LTK: variants seen among roughly 807,000 people sequenced by gnomAD.
LTK encodes leukocyte tyrosine kinase receptor.
LTK carries 117 observed loss-of-function variants against 101.5 expected under a neutral mutation model. That is an observed-to-expected ratio of 1.15 (90% CI 0.99 to 1.34). The LOEUF is 1.34. Ranked by LOEUF, LTK falls within the 40% of genes most tolerant of loss-of-function variation. The probability of loss-of-function intolerance (pLI) is 0.00; values close to 1 mark genes in which losing one functional copy is unlikely to be tolerated. For missense variants in LTK, 1,252 were observed against 1,164.7 expected, an observed-to-expected ratio of 1.07 and a Z score of -1.09; for synonymous variants, 563 against 494.2, an observed-to-expected ratio of 1.14 and a Z score of -1.85.
At position 41,504,019 on chromosome 15, in the gene LTK, A is replaced by G. The variant is rs1255907068; in HGVS notation, c.2572T>C (p.Trp858Arg). The change falls in exon 20 of 20, where the codon TGG becomes CGG. Residue 858 changes from tryptophan (W) to arginine (R), a missense_variant. Transcript: ENST00000263800. Reference sequence around the variant, plus strand: ...GCTCAGGAGCGATAAGTGGGATTCCAAAGGTTCTGAGGTTGGAGGCCCCTG... The same window carrying G: ...GCTCAGGAGCGATAAGTGGGATTCCGAAGGTTCTGAGGTTGGAGGCCCCTG... ...KSRGLQPQNL[W>R]NPTYRS 6.2e-7 allele frequency: 1 copy of G among 1,607,622 alleles called. No individual in the cohort carries two copies. The highest frequency in any genetic ancestry group is 1.1e-5 in the South Asian group (1 of 90,574).
intron 1 of LTK, 95 bp from the exon 2 acceptor site, chr15:41,513,215 G>T: frequency 1.4e-6 from 2 of 1,425,648 alleles, no homozygotes; most frequent in Non-Finnish European, 1.9e-6. Context: ...CCTTGCGGTC[G>T]CGGCCACACC....
At chr15:41,505,831 G>A in intron 12 of LTK, 54 bp from the exon 13 acceptor site, 4 of 1,604,426 alleles carry the variant, frequency 2.5e-6, no homozygotes, top group Non-Finnish European at 3.4e-6. Flanking sequence ...TCAGGAGAGG[G>A]GGTTAACCCT....
rs747305553 is a variant in LTK at position 41,508,184 on chromosome 15, G to T, written c.1134C>A (p.His378Gln). 1.2e-5 allele frequency: 19 copies of T among 1,613,362 alleles called. No individual in the cohort carries two copies. Among genetic ancestry groups the T allele is most frequent in the East Asian group, 2.2e-5 (1 of 44,856 alleles). ...TCAAAGGGCAGTGACTGCAGTTGAG[G>T]TGCCTTCGGATCTCTACCTCTCCGT... ...ENHGEVEIRR[H>Q]LNCSHCPLRD... Residue 378 changes from histidine to glutamine, a missense_variant, in exon 9 of 20, where the codon CAC (histidine) becomes CAA (glutamine). Physicochemically the swap from His to Gln is conservative, Grantham distance 24. Transcript: ENST00000263800.
Position 41,507,124 on chromosome 15 carries a change from C to A in LTK, c.1512G>T (p.Glu504Asp). Reference protein sequence around the residue: ...QSWPLPPGVTEVSPANVTLLR... With the variant: ...QSWPLPPGVTDVSPANVTLLR... ...GCAGAGTAACATTGGCTGGGGAAAC[C>A]TCGGTGACACCTGGTGGCAGAGGCC... is the stretch of plus-strand genomic sequence containing the variant. The change falls in exon 11 of 20, where the codon GAG becomes GAT. Residue 504 changes from glutamate (E) to aspartate (D), a missense_variant. Glu to Asp is a conservative substitution (Grantham distance 45). Transcript: ENST00000263800. 6.2e-7 allele frequency: 1 copy of A among 1,613,526 alleles called. No homozygotes were observed.
chr15:41,512,832 C>T lies in LTK; in HGVS notation c.234G>A (p.Arg78=), dbSNP rs1413184370. The T allele has an allele frequency of 6.2e-7, 1 of 1,612,304 alleles. No individual in the cohort carries two copies. The highest frequency in any genetic ancestry group is 1.3e-5 in the African/African-American group (1 of 74,942). The change falls in exon 3 of 20, where the codon CGG becomes CGA. Residue 78 remains arginine, a synonymous_variant. Coordinates refer to ENST00000263800, the MANE Select transcript of LTK (RefSeq NM_002344.6). ...CACATTGTGTCTGTGTGGGCCCATG[C>T]CGGCCGCTGGCCCCGCAGGTAGAAA... ...WLFSTCGASG[R]HGPTQTQCDG... is the part of the protein sequence containing the mutation.
rs1251134544 is a variant in LTK, at chr15:41,513,125, A to T, written c.44-5T>A. On this transcript the variant is annotated splice_region_variant and splice_polypyrimidine_tract_variant and intron_variant, in intron 1 of 19. Coordinates refer to ENST00000263800, the MANE Select transcript of LTK (RefSeq NM_002344.6). ...GGCTAGAGCAGAGAATGGCGCCTGA[A>T]AGGTGTTGGGAGAAGGCGCAGGACG... 6.3e-7 allele frequency: 1 copy of T among 1,594,850 alleles called. No homozygotes were observed.
At chr15:41,510,955 A>G (rs2051436915) in intron 7 of LTK, among the ~76,000 whole-genome samples, 1 of 152,186 alleles carries the variant, frequency 6.6e-6, no homozygotes, top group Admixed American at 6.5e-5. Context: ...TCCTGGATTA[A>G]ACGGAAATCT....
Position 41,503,823 on chromosome 15 carries a change from G to A in LTK, c.*173C>T. On this transcript the variant is annotated 3_prime_UTR_variant, in exon 20 of 20. Transcript: ENST00000263800. Reference sequence around the variant, plus strand: ...GGCCCTTCCCTGGGAGGCCTGGGCTGGTTTCCAGCATGGCAAGTGCAGCGC... The same window carrying A: ...GGCCCTTCCCTGGGAGGCCTGGGCTAGTTTCCAGCATGGCAAGTGCAGCGC... The A allele has an allele frequency of 1.3e-6, 1 of 788,384 alleles. No homozygotes were observed. The highest frequency in any genetic ancestry group is 2.0e-6 in the Non-Finnish European group (1 of 507,176). 48.8% of individuals were successfully genotyped at this position (788,384 alleles called of 1,614,324 possible).
rs750678804 is a variant in LTK, at chr15:41,505,380, G to GA, written c.1827+20_1827+21insT. ...ACAGGGTCTTTAGAGGGGCCTGGGG[G>GA]GGCTAAGACAAGGGTCTCACCAGGT... is the stretch of plus-strand genomic sequence containing the variant. On this transcript the variant is annotated intron_variant, in intron 14 of 19. Transcript: ENST00000263800. 2.5e-6 allele frequency: 4 copies of GA among 1,613,516 alleles called. No individual in the cohort carries two copies. The Admixed American group carries it at 5.0e-5, about 20-fold the overall frequency.
Position 41,508,120 on chromosome 15 carries a change from A to T in LTK, c.1198T>A (p.Cys400Ser), listed in dbSNP as rs773471387. 14 of 1,613,390 alleles carry T rather than the reference A, an allele frequency of 8.7e-6. No individual in the cohort carries two copies. The African/African-American group carries it at 1.1e-4, about 12-fold the overall frequency. ...QWQAELQLAE[C>S]LCPEGMELAV... ...AGCTCCATGCCTTCTGGGCACAGGC[A>T]TTCAGCCAGCTGGAGCTCTGCCTGC... Residue 400 changes from cysteine (C) to serine (S), a missense_variant, in exon 9 of 20, where the codon TGC becomes AGC. Cys to Ser is a moderately radical substitution (Grantham distance 112). Transcript: ENST00000263800.
chr15:41,508,318 T>C (rs890561673), intron 8 of LTK, 97 bp from the exon 9 acceptor site: 29 of 1,087,048 alleles, frequency 2.7e-5, no homozygotes, highest in Non-Finnish European at 3.6e-5. Context: ...CCTATAATCA[T>C]TGCACTTTGG....
Position 41,512,771 on chromosome 15 carries a change from C to G in LTK, c.295G>C (p.Val99Leu). The change falls in exon 3 of 20, where the codon GTG (valine) becomes CTG (leucine). Residue 99 changes from valine to leucine, a missense_variant. Transcript: ENST00000263800. ...CCTCTCAGCTGCCCGGCGGCCCCCA[C>G]GGTCACCACCACGCTGGTCCCCGCG... Reference protein sequence around the residue: ...AYAGTSVVVTVGAAGQLRGVQ... With the variant: ...AYAGTSVVVTLGAAGQLRGVQ... 6.2e-7 allele frequency: 1 copy of G among 1,610,870 alleles called. No homozygotes were observed. Among genetic ancestry groups the G allele is most frequent in the Non-Finnish European group, 8.5e-7 (1 of 1,179,188 alleles).
In LTK at chr15:41,513,008, G is replaced by C. The variant is rs775190514; in HGVS notation, c.156C>G (p.Ile52Met). 1 of 1,613,416 alleles carries C rather than the reference G, an allele frequency of 6.2e-7. No homozygotes were observed. The highest frequency in any genetic ancestry group is 1.7e-5 in the Admixed American group (1 of 59,836). Residue 52 changes from isoleucine to methionine, a missense_variant, in exon 2 of 20, where the codon ATC becomes ATG. Ile to Met is a conservative substitution (Grantham distance 10, BLOSUM62 1). Coordinates refer to ENST00000263800, the MANE Select transcript of LTK (RefSeq NM_002344.6). ...AATTCAGCGGGGAGGCTGGCTCCAA[G>C]ATACTAGGCGGGGCGCTGACTTTCG... ...RDPKVSAPPS[I>M]LEPASPLNSP...
intron 19 of LTK, 46 bp downstream of exon 19, chr15:41,504,296 C>G: frequency 3.1e-6 from 5 of 1,611,916 alleles, no homozygotes; most frequent in Non-Finnish European, 4.2e-6. Context: ...CTGGCCCTCC[C>G]TCCTGACCCA....
Position 41,507,607 on chromosome 15 carries a change from T to C in LTK, c.1300A>G (p.Thr434Ala), listed in dbSNP as rs754825225. The C allele has an allele frequency of 1.9e-6, 3 of 1,613,906 alleles. No homozygotes were observed. The highest frequency in any genetic ancestry group is 2.2e-5 in the South Asian group (2 of 91,012). ...ACCATAAGGAGGCTCAGTGTTGAGG[T>C]TGCCACCACAGCCACCATCAGAACC... The part of the protein sequence containing the change: ...PLVLMVAVVA[T>A]STLSLLMVCG... Residue 434 changes from threonine to alanine, a missense_variant, in exon 10 of 20, where the codon ACC becomes GCC. Transcript: ENST00000263800.
In LTK at chr15:41,511,519, G is replaced by T; in HGVS notation, c.717C>A (p.Tyr239Ter). Reference sequence around the variant, plus strand: ...TCCGGCCTCGGTCCCGCGGCCTCAGGTAGGCCCGACCGCCGCCTCCGGCCG... The same window carrying T: ...TCCGGCCTCGGTCCCGCGGCCTCAGTTAGGCCCGACCGCCGCCTCCGGCCG... ...LVAAGGGGRA[Y>*]LRPRDRGRTQ... is the part of the protein sequence containing the mutation. The change falls in exon 6 of 20, where the codon TAC becomes TAA. Residue 239 changes from tyrosine to a stop codon, truncating the protein, a stop_gained. Transcript: ENST00000263800. LOFTEE classifies it high-confidence loss of function. The surrounding 1 kb of genome is among the most constrained non-coding windows in gnomAD (Gnocchi z 5.9). The T allele has an allele frequency of 6.8e-7, 1 of 1,478,276 alleles. No homozygotes were observed. The highest frequency in any genetic ancestry group is 1.3e-5 in the South Asian group (1 of 75,058). The allele number at this position is 1,478,276 out of a possible 1,614,324, so 91.6% of individuals were successfully genotyped here.
chr15:41,507,940 A>G (rs930332971), intron 9 of LTK, 129 bp downstream of exon 9: 6 of 1,002,744 alleles, frequency 6.0e-6, no homozygotes, highest in Non-Finnish European at 7.2e-6. Context: ...TGAATCTCCA[A>G]TCCCCTGCCC....
At position 41,513,666 on chromosome 15, in the gene LTK, C is replaced by A. The variant is rs758639113; in HGVS notation, c.43+1G>T. The A allele has an allele frequency of 1.2e-6, 2 of 1,612,948 alleles. No individual in the cohort carries two copies. Among genetic ancestry groups the A allele is most frequent in the African/African-American group, 1.3e-5 (1 of 74,830 alleles). On this transcript the variant is annotated splice_donor_variant, in intron 1 of 19. Coordinates refer to ENST00000263800, the MANE Select transcript of LTK (RefSeq NM_002344.6). LOFTEE classifies it high-confidence loss of function. ...TCCCCTGACCGCCAGATAGCACTTA[C>A]CCGCGGCTCCGAACCACACCAGCAG...
chr15:41,504,271 G>A (rs1219356958), intron 19 of LTK, 27 bp from the exon 20 acceptor site: 1 of 1,608,076 alleles, frequency 6.2e-7, no homozygotes, highest in South Asian at 1.1e-5. Context: ...AGGGAGCAGG[G>A]GGGCATAGAG....
Sources: gnomAD v4.1 joint callset for allele counts (sites outside exome capture counted in the v4.1 genomes callset) on GRCh38, gnomAD v4.1.1 for gene constraint, Gnocchi (gnomAD v3.1) non-coding constraint, MANE v1.5 for transcripts, NCBI Gene and HGNC (gene_info 2026-07-23, HGNC 2026-07-21) for gene names.